The following SAMMSON variants were observed in gnomAD, a reference collection of about 807,000 sequenced individuals.
SAMMSON encodes the protein long intergenic non-protein coding RNA 1212.
chr3:70,398,934 A>C (rs1701114550), intron 2 of SAMMSON, among the ~76,000 whole-genome samples: 1 of 152,244 alleles, frequency 6.6e-6, no homozygotes, highest in South Asian at 2.1e-4. Context: ...GACTGAAAAA[A>C]TGGACTTGGG....
At chr3:70,091,944 A>C (rs973918419) in intron 4 of SAMMSON, among the ~76,000 whole-genome samples, 1 of 152,184 alleles carries the variant, frequency 6.6e-6, no homozygotes, top group Non-Finnish European at 1.5e-5. Context: ...TTCAGTTCAT[A>C]CACGAAGTAA....
At chr3:70,251,738 G>A (rs1484933989) in intron 6 of SAMMSON, among the ~76,000 whole-genome samples, 3 of 152,178 alleles carry the variant, frequency 2.0e-5, no homozygotes, top group Non-Finnish European at 4.4e-5. Flanking sequence ...CTAAGTAGTT[G>A]CTCGTCTAAG....
intron 9 of SAMMSON, among the ~76,000 whole-genome samples, chr3:70,378,246 C>T (rs895231381): frequency 6.6e-6 from 1 of 151,688 alleles, no homozygotes; most frequent in Non-Finnish European, 1.5e-5. Flanking sequence ...AATGTCTCAC[C>T]CATATTAGGA....
chr3:70,209,855 G>T (rs1389933515), intron 4 of SAMMSON, among the ~76,000 whole-genome samples: 2 of 152,012 alleles, frequency 1.3e-5, no homozygotes, highest in Non-Finnish European at 2.9e-5. Context: ...AGCAGTCTTT[G>T]CAAAGCAAAA....
intron 3 of SAMMSON, among the ~76,000 whole-genome samples, chr3:70,029,231 C>G (rs187663943): frequency 1.0e-4 from 13 of 129,234 alleles, no homozygotes; most frequent in Admixed American, 1.0e-3. Context: ...CAGCCAGACA[C>G]ATACATAATA....
intron 9 of SAMMSON, among the ~76,000 whole-genome samples, chr3:70,364,889 T>C (rs1702907967): frequency 6.6e-6 from 1 of 151,754 alleles, no homozygotes; most frequent in Admixed American, 6.6e-5. Context: ...TTATATTCCT[T>C]CTAATTTCAT....
chr3:70,135,213 A>G (rs2067500860), intron 4 of SAMMSON, among the ~76,000 whole-genome samples: 1 of 152,156 alleles, frequency 6.6e-6, no homozygotes, highest in African/African-American at 2.4e-5. Context: ...ATTTCATAAG[A>G]TTATATGACT....
At chr3:70,089,030 A>G (rs2067296345) in intron 4 of SAMMSON, among the ~76,000 whole-genome samples, 1 of 152,172 alleles carries the variant, frequency 6.6e-6, no homozygotes, top group South Asian at 2.1e-4. Flanking sequence ...AGGGTCACTG[A>G]GAGTCAAAAT....
intron 4 of SAMMSON, among the ~76,000 whole-genome samples, chr3:70,100,267 C>T (rs146436723): frequency 1.3e-3 from 192 of 152,164 alleles, no homozygotes; most frequent in African/African-American, 4.3e-3. Flanking sequence ...CCACCTCAGC[C>T]CTCTGAGTAA....
chr3:70,322,642 A>G (rs993544932), intron 7 of SAMMSON, among the ~76,000 whole-genome samples: 1 of 152,172 alleles, frequency 6.6e-6, no homozygotes, highest in African/African-American at 2.4e-5. Flanking sequence ...CTTCAAATAT[A>G]TTCTCAGTAT....
At chr3:70,247,369 G>A (rs372829220) in intron 4 of SAMMSON, among the ~76,000 whole-genome samples, 1 of 151,980 alleles carries the variant, frequency 6.6e-6, no homozygotes, top group African/African-American at 2.4e-5. Context: ...TTAATGCGGA[G>A]AGAGTTAGTG....
chr3:70,128,485 C>T (rs944925272), intron 4 of SAMMSON, among the ~76,000 whole-genome samples: 1 of 152,088 alleles, frequency 6.6e-6, no homozygotes, highest in African/African-American at 2.4e-5. Context: ...TATTTTAAAC[C>T]ATTTCATATT....
At chr3:70,091,003 TG>T (rs1333702909) in intron 4 of SAMMSON, among the ~76,000 whole-genome samples, 2 of 152,174 alleles carry the variant, frequency 1.3e-5, no homozygotes, top group Admixed American at 6.6e-5. Flanking sequence ...GACATGTAAG[TG>T]GGACTGTAAC....
chr3:70,197,056 G>A (rs1288353964), intron 4 of SAMMSON: 12 of 398,420 alleles, frequency 3.0e-5, no homozygotes, highest in Non-Finnish European at 4.0e-5. Context: ...GTTTTCATCC[G>A]AGGTGTGGTG....
chr3:70,296,240 T>C (rs1479673652), intron 7 of SAMMSON, among the ~76,000 whole-genome samples: 2 of 152,156 alleles, frequency 1.3e-5, no homozygotes, highest in Non-Finnish European at 2.9e-5. Flanking sequence ...AAATAAGTTG[T>C]AGTTTGAAAC....
chr3:70,187,305 GTGAATACAAACCCTA>G (rs1219489701), intron 4 of SAMMSON, among the ~76,000 whole-genome samples: 1 of 151,818 alleles, frequency 6.6e-6, no homozygotes, highest in Non-Finnish European at 1.5e-5. Context: ...CCTTTGACCT[GTGAATACAAACCCTA>G]TTTATCCAGG....
At chr3:70,043,646 T>C (rs1267166210) in intron 3 of SAMMSON, among the ~76,000 whole-genome samples, 2 of 152,114 alleles carry the variant, frequency 1.3e-5, no homozygotes, top group Non-Finnish European at 2.9e-5. Context: ...TGGGGTAGTT[T>C]TTAATTTTAA....
chr3:70,219,121 C>G (rs1701439937), intron 4 of SAMMSON, among the ~76,000 whole-genome samples: 1 of 152,144 alleles, frequency 6.6e-6, no homozygotes, highest in South Asian at 2.1e-4. Context: ...AAGGTATTGT[C>G]TGCATCACAG....
intron 9 of SAMMSON, among the ~76,000 whole-genome samples, chr3:70,369,333 C>T (rs985180204): frequency 2.0e-5 from 3 of 151,568 alleles, no homozygotes; most frequent in East Asian, 1.9e-4. Context: ...TTATTTCTTC[C>T]CTTCATGACT....
Sources: allele counts gnomAD v4.1 joint callset (sites outside exome capture counted in the v4.1 genomes callset), GRCh38; gene constraint gnomAD v4.1.1; transcripts MANE v1.5; gene names NCBI Gene and HGNC (gene_info 2026-07-23, HGNC 2026-07-21).